ZNF93: variants seen among roughly 807,000 people sequenced by gnomAD.
The protein encoded by ZNF93 is zinc finger protein 505.
In ZNF93, 29 loss-of-function variants were observed where a neutral mutation model predicts 45.0. The ratio of observed to expected loss-of-function variants is 0.64; its 90% CI spans 0.48 to 0.88. ZNF93 has a LOEUF of 0.88. Ranked by LOEUF, ZNF93 falls within the 40% of genes least tolerant of loss-of-function variation. ZNF93 has a pLI of 0.00. For synonymous variants in ZNF93, 223 were observed against 244.6 expected, an observed-to-expected ratio of 0.91 and a Z score of 0.82; for missense variants, 578 against 724.0, an observed-to-expected ratio of 0.80 and a Z score of 2.31.
chr19:19,921,651 G>C (rs550027824), intron 3 of ZNF93, among the ~76,000 whole-genome samples: 1 of 152,106 alleles, frequency 6.6e-6, no homozygotes, highest in South Asian at 2.1e-4. Context: ...TATATATTTA[G>C]GATAGTTAGC....
At chr19:19,910,291 C>T (rs1004059900) in intron 1 of ZNF93, among the ~76,000 whole-genome samples, 1 of 152,112 alleles carries the variant, frequency 6.6e-6, no homozygotes, top group Non-Finnish European at 1.5e-5. Flanking sequence ...AATGAAAGTA[C>T]TGTTATGTCT....
intron 1 of ZNF93, 52 bp downstream of exon 1, chr19:19,901,143 C>A: frequency 6.2e-7 from 1 of 1,612,478 alleles, no homozygotes; most frequent in Admixed American, 1.7e-5. Flanking sequence ...TGGTTGGAAC[C>A]GGTGGAAAGT....
intron 3 of ZNF93, among the ~76,000 whole-genome samples, chr19:19,931,283 A>G (rs911780572): frequency 2.3e-4 from 35 of 151,508 alleles, no homozygotes; most frequent in Non-Finnish European, 3.5e-4. Flanking sequence ...TTCACCTCCC[A>G]GTTTCAAGTG....
intron 1 of ZNF93, among the ~76,000 whole-genome samples, chr19:19,903,387 A>T (rs1486124223): frequency 6.6e-6 from 1 of 152,212 alleles, no homozygotes; most frequent in Non-Finnish European, 1.5e-5. Context: ...AGGGTAGCTC[A>T]AAGTTCAGGA....
At chr19:19,919,180 G>C (rs1232316412) in intron 3 of ZNF93, among the ~76,000 whole-genome samples, 2 of 152,194 alleles carry the variant, frequency 1.3e-5, no homozygotes, top group Admixed American at 6.5e-5. Flanking sequence ...TGGCTAGCCA[G>C]TTTTCCCAAC....
intron 3 of ZNF93, among the ~76,000 whole-genome samples, chr19:19,920,678 T>C (rs1452487869): frequency 6.6e-5 from 10 of 152,080 alleles, no homozygotes; most frequent in Non-Finnish European, 1.5e-5. Flanking sequence ...CTTGGGAGGG[T>C]GTATGTGTTG....
chr19:19,926,982 G>A (rs1466630186), intron 3 of ZNF93: 4 of 392,630 alleles, frequency 1.0e-5, no homozygotes, highest in Non-Finnish European at 1.8e-5. Flanking sequence ...AAACACTTTT[G>A]TGATTTGAAG....
At position 19,915,410 on chromosome 19, in the gene ZNF93, A is replaced by G; in HGVS notation, c.130+4A>G. On this transcript the variant is annotated splice_donor_region_variant and intron_variant, in intron 2 of 3. Transcript: ENST00000343769. ...TACAGTAACCTGGTCTTCCTTGGTG[A>G]GGATAACTTTAATACATAATTCATA... 6.2e-7 allele frequency: 1 copy of G among 1,612,030 alleles called. No homozygotes were observed.
At chr19:19,921,347 G>A (rs2063342034) in intron 3 of ZNF93, among the ~76,000 whole-genome samples, 1 of 152,178 alleles carries the variant, frequency 6.6e-6, no homozygotes, top group Admixed American at 6.5e-5. Context: ...TTGCTGAGGA[G>A]TGCTTTACTT....
intron 1 of ZNF93, among the ~76,000 whole-genome samples, chr19:19,911,274 G>C (rs1439275815): frequency 6.6e-6 from 1 of 152,182 alleles, no homozygotes; most frequent in East Asian, 1.9e-4. Context: ...GGGTCACTGG[G>C]AATCTCTCAC....
chr19:19,917,763 G>A (rs551296987), intron 3 of ZNF93, among the ~76,000 whole-genome samples: 18 of 152,130 alleles, frequency 1.2e-4, no homozygotes, highest in African/African-American at 4.1e-4. Context: ...TGATCCACCC[G>A]CCTTGGCCTT....
At chr19:19,905,759 A>ATT (rs369477067) in intron 1 of ZNF93, among the ~76,000 whole-genome samples, 2 of 145,794 alleles carry the variant, frequency 1.4e-5, no homozygotes, top group East Asian at 2.0e-4. Context: ...CACCTGGCCA[A>ATT]TTTTTTTTTT....
chr19:19,927,907 C>T (rs867864793), intron 3 of ZNF93, among the ~76,000 whole-genome samples: 2 of 152,118 alleles, frequency 1.3e-5, no homozygotes, highest in African/African-American at 4.8e-5. Flanking sequence ...GCCACATCGC[C>T]AAGCTAATTT....
At chr19:19,906,202 C>T (rs567777333) in intron 1 of ZNF93, among the ~76,000 whole-genome samples, 1 of 152,068 alleles carries the variant, frequency 6.6e-6, no homozygotes, top group African/African-American at 2.4e-5. Flanking sequence ...TATCTGTTAC[C>T]TTTTGACTTT....
intron 1 of ZNF93, chr19:19,909,629 T>C (rs2063302300): frequency 6.6e-6 from 1 of 152,262 alleles, no homozygotes; most frequent in East Asian, 1.9e-4. Context: ...GTATGTCACA[T>C]TCAAGTTTAA....
At chr19:19,910,260 G>T (rs1034616628) in intron 1 of ZNF93, among the ~76,000 whole-genome samples, 3 of 152,082 alleles carry the variant, frequency 2.0e-5, no homozygotes, top group African/African-American at 7.2e-5. Flanking sequence ...AGTCCCTTTG[G>T]TTATCAAACT....
chr19:19,913,179 C>G lies in ZNF93; in HGVS notation c.4-2101C>G, dbSNP rs920722221. Among the ~76,000 whole-genome samples, 18 of 152,206 alleles carry G rather than the reference C, an allele frequency of 1.2e-4. 1 individual carries two copies. The highest frequency in any genetic ancestry group is 1.2e-3 in the Admixed American group (18 of 15,284). ...AAAACACTCATTCATAAACCCTCTT[C>G]AAACATACAGAATCACATTACAGAA... On this transcript the variant is annotated intron_variant, in intron 1 of 3. Transcript: ENST00000343769.
intron 3 of ZNF93, among the ~76,000 whole-genome samples, chr19:19,922,015 G>A (rs1277853237): frequency 3.9e-5 from 6 of 152,170 alleles, no homozygotes; most frequent in Admixed American, 6.5e-5. Flanking sequence ...TTGCTCATTC[G>A]TTGATGCAGT....
In ZNF93 at chr19:19,934,811, A is replaced by G. The variant is rs1352422815; in HGVS notation, c.1856A>G (p.Lys619Arg). 6.3e-7 allele frequency: 1 copy of G among 1,595,568 alleles called. No individual in the cohort carries two copies. Among genetic ancestry groups the G allele is most frequent in the Admixed American group, 1.7e-5 (1 of 57,500 alleles). The change falls in exon 4 of 4, where the codon AAA becomes AGA. Residue 619 changes from lysine to arginine, a missense_variant. Physicochemically the swap from Lys to Arg is conservative, Grantham distance 26 (BLOSUM62 2). Coordinates refer to ENST00000343769, the MANE Select transcript of ZNF93 (RefSeq NM_031218.4). ...SRHEIIHTGE[K>R]P ...CATGAGATAATTCATACTGGGGAGAAACCCTAGAAGTGTGAAGAATGTGGC... is the reference window on the plus strand; with the variant it reads ...CATGAGATAATTCATACTGGGGAGAGACCCTAGAAGTGTGAAGAATGTGGC...
Sources: gnomAD v4.1 joint callset for allele counts (sites outside exome capture counted in the v4.1 genomes callset) on GRCh38, gnomAD v4.1.1 for gene constraint, MANE v1.5 for transcripts, NCBI Gene and HGNC (gene_info 2026-07-23, HGNC 2026-07-21) for gene names.